CHEK1: variants seen among roughly 807,000 people sequenced by gnomAD.
CHEK1 encodes serine/threonine-protein kinase Chk1.
CHEK1 carries 32 observed loss-of-function variants against 60.2 expected under a neutral mutation model. The ratio of observed to expected loss-of-function variants is 0.53; its 90% CI spans 0.40 to 0.71. The LOEUF (loss-of-function observed/expected upper bound fraction) is 0.71. CHEK1 is among the 30% of genes least tolerant of loss of function. The probability of loss-of-function intolerance (pLI) is 0.00; values close to 1 mark genes in which losing one functional copy is unlikely to be tolerated. For synonymous variants in CHEK1, 179 were observed against 187.2 expected, an observed-to-expected ratio of 0.96 and a Z score of 0.36; for missense variants, 399 against 564.6, an observed-to-expected ratio of 0.71 and a Z score of 2.97.
At chr11:125,627,569 A>G in intron 2 of CHEK1, 38 bp from the exon 3 acceptor site, 1 of 1,520,436 alleles carries the variant, frequency 6.6e-7, no homozygotes, top group Non-Finnish European at 8.9e-7. Context: ...TTTAGAAGAA[A>G]TGGAATTCTG....
chr11:125,633,505 G>A (rs1940946970), intron 6 of CHEK1, among the ~76,000 whole-genome samples, 154 bp downstream of exon 6: 1 of 152,096 alleles, frequency 6.6e-6, no homozygotes, highest in South Asian at 2.1e-4. Context: ...CTGGAGTACA[G>A]TGAGCTGTTA....
rs781671034 is a variant in CHEK1, at chr11:125,627,629, G to A, written c.88G>A (p.Val30Ile). 1 of 1,613,508 alleles carries A rather than the reference G, an allele frequency of 6.2e-7. No individual in the cohort carries two copies. Among genetic ancestry groups the A allele is most frequent in the South Asian group, 1.1e-5 (1 of 90,980 alleles). Reference sequence around the variant, plus strand: ...TAGAGTTCAACTTGCTGTGAATAGAGTAACTGAAGAAGCAGTCGCAGTGAA... The same window carrying A: ...TAGAGTTCAACTTGCTGTGAATAGAATAACTGAAGAAGCAGTCGCAGTGAA... ...YGEVQLAVNR[V>I]TEEAVAVKIV... is the part of the protein sequence containing the mutation. The change falls in exon 3 of 13, where the codon GTA (valine) becomes ATA (isoleucine). Residue 30 changes from valine to isoleucine, a missense_variant. Physicochemically the swap from Val to Ile is conservative, Grantham distance 29. Around this residue, in one of 2 missense-constraint regions of CHEK1, gnomAD observed 370 missense variants for 494.8 expected, o/e 0.75. Coordinates refer to ENST00000438015, the MANE Select transcript of CHEK1 (RefSeq NM_001114122.3).
chr11:125,660,544 T>A (rs2136076321), downstream of CHEK1, among the ~76,000 whole-genome samples: 1 of 152,050 alleles, frequency 6.6e-6, no homozygotes, highest in Non-Finnish European at 1.5e-5. Flanking sequence ...TTAATTTTGC[T>A]TTATACATTT....
intron 11 of CHEK1, among the ~76,000 whole-genome samples, chr11:125,648,766 T>A (rs1200395640): frequency 1.3e-5 from 2 of 151,950 alleles, no homozygotes; most frequent in African/African-American, 4.8e-5. Flanking sequence ...AAGTTTCGAG[T>A]CTTTCAGCAT....
chr11:125,667,263 TTTCTC>T (rs1305266867), intron 13 of CHEK1, among the ~76,000 whole-genome samples: 2 of 152,198 alleles, frequency 1.3e-5, no homozygotes, highest in African/African-American at 4.8e-5. Context: ...TGTATTTGGT[TTTCTC>T]TTCTCGCATT....
At chr11:125,639,988 T>G (rs1941221037) in intron 8 of CHEK1, among the ~76,000 whole-genome samples, 1 of 152,216 alleles carries the variant, frequency 6.6e-6, no homozygotes, top group Non-Finnish European at 1.5e-5. Flanking sequence ...TTCTCCCATT[T>G]TAAAATCAAA....
At chr11:125,657,887 G>A (rs893509491), downstream of CHEK1, among the ~76,000 whole-genome samples, 1 of 145,716 alleles carries the variant, frequency 6.9e-6, no homozygotes, top group Non-Finnish European at 1.5e-5. Flanking sequence ...ATGACAAACT[G>A]TTTTCTAAAG....
intron 8 of CHEK1, chr11:125,643,060 T>A (rs1266631111): frequency 6.6e-6 from 1 of 152,226 alleles, no homozygotes; most frequent in Non-Finnish European, 1.5e-5. Context: ...ATGTTGGCTA[T>A]AGCAGATTCA....
chr11:125,640,337 C>T (rs903023663), intron 8 of CHEK1, among the ~76,000 whole-genome samples: 2 of 151,918 alleles, frequency 1.3e-5, no homozygotes, highest in East Asian at 1.9e-4. Flanking sequence ...GTCAGGAGAT[C>T]GAGACCATCC....
At chr11:125,673,558 A>G (rs2134106545) in intron 13 of CHEK1, among the ~76,000 whole-genome samples, 1 of 152,228 alleles carries the variant, frequency 6.6e-6, no homozygotes, top group South Asian at 2.1e-4. Context: ...CCCACTGCTC[A>G]TCTACTCCTC....
chr11:125,634,516 G>A (rs937487129), intron 6 of CHEK1, among the ~76,000 whole-genome samples: 4 of 151,528 alleles, frequency 2.6e-5, no homozygotes, highest in Admixed American at 1.3e-4. Context: ...TTTCACAGAC[G>A]GTCTCTCCAT....
chr11:125,635,594 T>C, intron 7 of CHEK1, 61 bp downstream of exon 7: 1 of 1,116,038 alleles, frequency 9.0e-7, no homozygotes, highest in South Asian at 1.6e-5. Context: ...CTTGTGCTAT[T>C]TGAATTTTTT....
In CHEK1 at chr11:125,644,277, A is replaced by C. The variant is rs766010670; in HGVS notation, c.1101+9A>C. The C allele has an allele frequency of 1.1e-5, 17 of 1,595,418 alleles. No individual in the cohort carries two copies. Among genetic ancestry groups the C allele is most frequent in the Admixed American group, 7.3e-5 (4 of 54,612 alleles). On this transcript the variant is annotated intron_variant, in intron 10 of 12. Coordinates refer to ENST00000438015, the MANE Select transcript of CHEK1 (RefSeq NM_001114122.3). ...CCCCAGGATCCTCACAGGTGAGGGA[A>C]TTTAATTTTTTAAAAGTAATGGCAG... is the stretch of plus-strand genomic sequence containing the variant.
chr11:125,629,838 A>C lies in CHEK1; in HGVS notation c.424+378A>C, dbSNP rs560482856. ...TAGGCTCAAGCAATCCTACCATCTC[A>C]GCTTCCCGAGTAGCTAGGACCAACC... On this transcript the variant is annotated intron_variant, in intron 5 of 12. Transcript: ENST00000438015. Among the ~76,000 whole-genome samples the C allele has an allele frequency of 8.4e-4, 127 of 151,790 alleles. 2 individuals are homozygous for C. The highest frequency in any genetic ancestry group is 6.5e-3 in the South Asian group (31 of 4,806).
chr11:125,673,346 AG>A (rs907174469), intron 13 of CHEK1, among the ~76,000 whole-genome samples: 1 of 151,830 alleles, frequency 6.6e-6, no homozygotes, highest in African/African-American at 2.4e-5. Flanking sequence ...CTGGGATTAC[AG>A]GCGCACCACC....
Position 125,653,024 on chromosome 11 carries a change from C to CA in CHEK1, c.1234-721dup, listed in dbSNP as rs557895072. Among the ~76,000 whole-genome samples, 49 of 152,172 alleles carry CA rather than the reference C, an allele frequency of 3.2e-4. No individual in the cohort carries two copies. In the South Asian group the frequency reaches 0.01, roughly 32 times the overall value. ...CTGCCTTCTACTTCTATGAAATTAA[C>CA]AGTTTTTTTGTTTCCACATATGAGT... On this transcript the variant is annotated intron_variant, in intron 11 of 12. Transcript: ENST00000438015. The surrounding 1 kb of genome is among the most constrained non-coding windows in gnomAD (Gnocchi z 4.3).
At chr11:125,675,245 T>C (rs569834035) in intron 13 of CHEK1, among the ~76,000 whole-genome samples, 1 of 152,308 alleles carries the variant, frequency 6.6e-6, no homozygotes, top group African/African-American at 2.4e-5. Flanking sequence ...GAATACCACC[T>C]TCTCCCCATA....
chr11:125,680,870 G>T, downstream of CHEK1: 1 of 1,051,316 alleles, frequency 9.5e-7, no homozygotes, highest in Non-Finnish European at 1.4e-6. Flanking sequence ...TTCCAGTGCT[G>T]AAGCAGAGCT....
At chr11:125,675,132 C>T (rs1220248055) in intron 13 of CHEK1, among the ~76,000 whole-genome samples, 2 of 152,144 alleles carry the variant, frequency 1.3e-5, no homozygotes, top group Non-Finnish European at 1.5e-5. Context: ...TTTGGTGCAA[C>T]CTGAACATTA....
Sources: gnomAD v4.1 joint callset for allele counts (sites outside exome capture counted in the v4.1 genomes callset) on GRCh38, gnomAD v4.1.1 for gene constraint, gnomAD v4.1.1 regional missense constraint, Gnocchi (gnomAD v3.1) non-coding constraint, MANE v1.5 for transcripts, NCBI Gene and HGNC (gene_info 2026-07-23, HGNC 2026-07-21) for gene names.